Variants in ALG9 observed in about 807,000 individuals in gnomAD.
ALG9 encodes ALG9 alpha-1,2-mannosyltransferase, also known as alpha-1,2-mannosyltransferase ALG9.
Under a neutral mutation model 81.8 loss-of-function variants are expected in ALG9, and 55 were observed. The observed-to-expected ratio is 0.67, with a 90% CI of 0.54 to 0.84. The LOEUF is 0.84. Among genes scored for constraint, ALG9 ranks in the 40% least tolerant of loss-of-function variants. The pLI, the probability that ALG9 is intolerant of heterozygous loss-of-function variation, is 0.00. For missense variants in ALG9, 629 were observed against 745.0 expected (o/e 0.84, Z 1.81); for synonymous variants, 278 against 274.3 (o/e 1.01, Z -0.13).
At chr11:111,836,587 A>G in intron 12 of ALG9, 1 of 388,550 alleles carries the variant, frequency 2.6e-6, no homozygotes, top group East Asian at 6.0e-5. Context: ...CTTATTGTCA[A>G]TTACTATGTG....
At position 111,835,842 on chromosome 11, in the gene ALG9, C is replaced by T. The variant is rs534722694; in HGVS notation, c.1602+323G>A. Among the ~76,000 whole-genome samples, 470 of 152,232 alleles carry T rather than the reference C, an allele frequency of 3.1e-3. 8 individuals carry two copies. Among genetic ancestry groups the T allele is most frequent in the Non-Finnish European group, 6.0e-4 (41 of 68,016 alleles). ...CATGGCCTACTGCAGCCTTGAACTCCGAGGCTCAAGTGATCCTCCTGCCTC... is the reference window on the plus strand; with the variant it reads ...CATGGCCTACTGCAGCCTTGAACTCTGAGGCTCAAGTGATCCTCCTGCCTC... On this transcript the variant is annotated intron_variant, in intron 13 of 14. Coordinates refer to ENST00000616540, the MANE Select transcript of ALG9 (RefSeq NM_024740.2).
chr11:111,871,569 A>T lies in ALG9; in HGVS notation c.-87T>A, dbSNP rs1416982754. On this transcript the variant is annotated 5_prime_UTR_variant, in exon 1 of 15. Transcript: ENST00000616540. The stretch of plus-strand genomic sequence containing the variant: ...TTTGGCTGGCAAACGGTGTCCGCCG[A>T]GGGACAAAAGACCTTGACATGCGCA... The T allele has an allele frequency of 1.3e-6, 2 of 1,531,940 alleles. No individual in the cohort carries two copies. The highest frequency in any genetic ancestry group is 2.7e-5 in the African/African-American group (2 of 72,846). The allele number at this position is 1,531,940 out of a possible 1,614,324, so 94.9% of individuals were successfully genotyped here. A position where few individuals can be genotyped will look rare whatever the true frequency, so the allele number is the denominator to read the frequency against.
At chr11:111,835,755 T>C (rs1555116871) in intron 13 of ALG9, among the ~76,000 whole-genome samples, 6 of 152,104 alleles carry the variant, frequency 3.9e-5, no homozygotes, top group Admixed American at 3.9e-4. Context: ...CTAAAAAATA[T>C]CCGGTTTTTT....
chr11:111,826,388 G>A (rs1953293964), intron 13 of ALG9, among the ~76,000 whole-genome samples: 1 of 75,656 alleles, frequency 1.3e-5, no homozygotes, highest in Non-Finnish European at 2.6e-5. Context: ...TATATCCAGA[G>A]TTTAAAAAAA....
chr11:111,771,388 C>G, the ALG9 span: 1 of 152,348 alleles, frequency 6.6e-6, no homozygotes, highest in Non-Finnish European at 1.5e-5. Flanking sequence ...GCCGAGATAG[C>G]GCCACTGGGA....
At chr11:111,851,367 TACTC>T (rs1385620467) in intron 8 of ALG9, among the ~76,000 whole-genome samples, 7 of 151,380 alleles carry the variant, frequency 4.6e-5, no homozygotes, top group African/African-American at 1.7e-4. Context: ...TAATTCCCGA[TACTC>T]AGGAGGCTGA....
intron 14 of ALG9, among the ~76,000 whole-genome samples, chr11:111,795,703 TG>T (rs1431388341): frequency 9.2e-5 from 14 of 152,240 alleles, no homozygotes; most frequent in African/African-American, 3.1e-4. Flanking sequence ...CGTGGCATCG[TG>T]AGACTGGTAT....
chr11:111,815,198 G>A (rs633735), intron 13 of ALG9, among the ~76,000 whole-genome samples: 10 of 152,174 alleles, frequency 6.6e-5, no homozygotes, highest in Non-Finnish European at 1.3e-4. Flanking sequence ...AAGATATCAA[G>A]GCCCAATCTG....
intron 8 of ALG9, among the ~76,000 whole-genome samples, chr11:111,849,171 C>T (rs954307341): frequency 2.0e-5 from 3 of 152,066 alleles, no homozygotes; most frequent in African/African-American, 7.2e-5. Context: ...GTGCCTCAGC[C>T]TCCTGAGTAG....
At chr11:111,804,860 G>A (rs531534686) in intron 14 of ALG9, among the ~76,000 whole-genome samples, 2 of 152,312 alleles carry the variant, frequency 1.3e-5, no homozygotes, top group East Asian at 3.9e-4. Context: ...TTGCTGGTAC[G>A]AACGCAAAAT....
intron 14 of ALG9, among the ~76,000 whole-genome samples, chr11:111,790,103 C>T (rs782044406): frequency 7.2e-5 from 11 of 151,888 alleles, no homozygotes; most frequent in African/African-American, 4.8e-5. Context: ...CAGCCGGGCG[C>T]GGTGGCTCAC....
At chr11:111,837,380 A>G (rs1955486827) in intron 12 of ALG9, 88 bp downstream of exon 12, 22 of 1,532,114 alleles carry the variant, frequency 1.4e-5, no homozygotes, top group African/African-American at 2.7e-5. Context: ...TGAAAACTCC[A>G]AAAGAAAACA....
At chr11:111,868,076 A>C (rs1442361502) in intron 3 of ALG9, among the ~76,000 whole-genome samples, 1 of 152,226 alleles carries the variant, frequency 6.6e-6, no homozygotes, top group African/African-American at 2.4e-5. Context: ...AGTATTCAAA[A>C]AAATAAAAAC....
chr11:111,808,746 T>A (rs782230681), intron 14 of ALG9, among the ~76,000 whole-genome samples: 3 of 152,176 alleles, frequency 2.0e-5, no homozygotes, highest in Admixed American at 6.5e-5. Flanking sequence ...TGGGCTCTGC[T>A]CACCAGGCCT....
At chr11:111,834,671 T>TAC (rs1398178639) in intron 13 of ALG9, among the ~76,000 whole-genome samples, 1 of 152,190 alleles carries the variant, frequency 6.6e-6, no homozygotes, top group Non-Finnish European at 1.5e-5. Flanking sequence ...CCATTTTTAC[T>TAC]ACCTCTTCCT....
In ALG9 at chr11:111,863,090, G is replaced by A. The variant is rs559807319; in HGVS notation, c.476+2091C>T. ...CCAGAACAATTTAAAATAAATTCTC[G>A]GCTGGGCCTGGTGGCTCACACCTGT... is the stretch of plus-strand genomic sequence containing the variant. On this transcript the variant is annotated intron_variant, in intron 4 of 14. Transcript: ENST00000616540. Among the ~76,000 whole-genome samples, 37 of 152,202 alleles carry A rather than the reference G, an allele frequency of 2.4e-4. 1 individual carries two copies. The South Asian group carries it at 7.0e-3, about 29-fold the overall frequency.
chr11:111,773,185 A>C, the ALG9 span, among the ~76,000 whole-genome samples: 2 of 152,162 alleles, frequency 1.3e-5, no homozygotes, highest in African/African-American at 4.8e-5. Context: ...CAAGGTGTAC[A>C]GGCCCCAGTT....
chr11:111,820,404 G>A (rs1952136761), intron 13 of ALG9, among the ~76,000 whole-genome samples: 1 of 152,218 alleles, frequency 6.6e-6, no homozygotes, highest in Non-Finnish European at 1.5e-5. Flanking sequence ...CATGGCAGAA[G>A]GGCAAAGACA....
At chr11:111,797,633 C>G (rs1475423714) in intron 14 of ALG9, among the ~76,000 whole-genome samples, 1 of 152,232 alleles carries the variant, frequency 6.6e-6, no homozygotes, top group Non-Finnish European at 1.5e-5. Flanking sequence ...AGTAATCACT[C>G]CAGTCGTCTT....
Sources: allele counts gnomAD v4.1 joint callset (sites outside exome capture counted in the v4.1 genomes callset), GRCh38; gene constraint gnomAD v4.1.1; transcripts MANE v1.5; gene names NCBI Gene and HGNC (gene_info 2026-07-23, HGNC 2026-07-21).